GNA13: variants seen among roughly 807,000 people sequenced by gnomAD.
The protein encoded by GNA13 is G protein subunit alpha 13.
GNA13 carries 4 observed loss-of-function variants against 33.5 expected under a neutral mutation model. The observed-to-expected ratio is 0.12, with a 90% CI of 0.06 to 0.27. GNA13 has a LOEUF of 0.27. Among genes scored for constraint, GNA13 ranks in the 10% least tolerant of loss-of-function variants. The pLI is 1.00. For synonymous variants in GNA13, 176 were observed against 183.8 expected (o/e 0.96, Z 0.34); for missense variants, 319 against 487.2 (o/e 0.65, Z 3.25).
intron 2 of GNA13, among the ~76,000 whole-genome samples, chr17:65,031,921 A>AGAGAGAGAGT (rs770161529): frequency 7.6e-5 from 7 of 91,710 alleles, no homozygotes; most frequent in Non-Finnish European, 1.3e-4. Flanking sequence ...AGAGAGAGAG[A>AGAGAGAGAGT]GTGTGTGTGT....
chr17:65,010,680 C>G lies in GNA13; in HGVS notation c.*3577G>C. ...AGCAAAACTTCTGGTCTTAATTTCTCAAATAAAACTAAAATAAATGAAATG... is the reference window on the plus strand; with the variant it reads ...AGCAAAACTTCTGGTCTTAATTTCTGAAATAAAACTAAAATAAATGAAATG... On this transcript the variant is annotated 3_prime_UTR_variant, in exon 4 of 4. Transcript: ENST00000439174. 1 of 205,108 alleles carries G rather than the reference C, an allele frequency of 4.9e-6. No homozygotes were observed. The allele number at this position is 205,108 out of a possible 1,614,324, so 12.7% of individuals were successfully genotyped here. A position where few individuals can be genotyped will look rare whatever the true frequency, so the allele number is the denominator to read the frequency against.
intron 2 of GNA13, among the ~76,000 whole-genome samples, chr17:65,037,434 C>T (rs996253089): frequency 6.6e-6 from 1 of 152,220 alleles, no homozygotes; most frequent in Non-Finnish European, 1.5e-5. Flanking sequence ...GCATATCCAA[C>T]TTTCCTGTGC....
chr17:65,047,547 A>G (rs1907709814), intron 2 of GNA13, among the ~76,000 whole-genome samples: 1 of 152,240 alleles, frequency 6.6e-6, no homozygotes, highest in Admixed American at 6.5e-5. Context: ...CTATACTTAT[A>G]GAGAAAATGG....
chr17:65,042,457 C>T (rs1907493762), intron 2 of GNA13, among the ~76,000 whole-genome samples: 1 of 151,888 alleles, frequency 6.6e-6, no homozygotes, highest in African/African-American at 2.4e-5. Flanking sequence ...AACACGGTGG[C>T]TGGGCACGGT....
chr17:65,043,809 T>C (rs2143817942), intron 2 of GNA13, among the ~76,000 whole-genome samples: 1 of 152,322 alleles, frequency 6.6e-6, no homozygotes, highest in South Asian at 2.1e-4. Flanking sequence ...TGAAAAAGTT[T>C]ACCCACCGCA....
intron 2 of GNA13, among the ~76,000 whole-genome samples, chr17:65,022,660 T>A (rs753855624): frequency 1.4e-4 from 21 of 152,126 alleles, no homozygotes; most frequent in Admixed American, 3.3e-4. Flanking sequence ...CATGCAAAAT[T>A]TTAAAATGGA....
intron 3 of GNA13, 28 bp downstream of exon 3, chr17:65,018,225 A>C: frequency 7.7e-7 from 1 of 1,297,244 alleles, no homozygotes. Context: ...AATGGCACTA[A>C]ACATAAACAT....
chr17:65,022,228 G>A (rs1434003183), intron 2 of GNA13, among the ~76,000 whole-genome samples: 1 of 152,296 alleles, frequency 6.6e-6, no homozygotes, highest in South Asian at 2.1e-4. Flanking sequence ...ACCTGTTGGT[G>A]TATCGTCTAT....
At position 65,012,811 on chromosome 17, in the gene GNA13, A is replaced by G. The variant is rs796568272; in HGVS notation, c.*1446T>C. The G allele has an allele frequency of 4.6e-6, 1 of 217,712 alleles. No individual in the cohort carries two copies. Among genetic ancestry groups the G allele is most frequent in the African/African-American group, 2.2e-5 (1 of 44,604 alleles). 13.5% of individuals were successfully genotyped at this position (217,712 alleles called of 1,614,324 possible). ...CAGTCTTAAAATTTTCAGGAAAAGTAGAAAAGCTGTCAGACTTTTCAAGCT... is the reference window on the plus strand; with the variant it reads ...CAGTCTTAAAATTTTCAGGAAAAGTGGAAAAGCTGTCAGACTTTTCAAGCT... On this transcript the variant is annotated 3_prime_UTR_variant, in exon 4 of 4. Transcript: ENST00000439174.
At chr17:65,030,507 G>A (rs1470302081) in intron 2 of GNA13, among the ~76,000 whole-genome samples, 1 of 152,202 alleles carries the variant, frequency 6.6e-6, no homozygotes, top group Non-Finnish European at 1.5e-5. Flanking sequence ...CATTTTACTG[G>A]ATTTTATAGA....
intron 3 of GNA13, among the ~76,000 whole-genome samples, chr17:65,017,512 A>C (rs1222233112): frequency 6.6e-6 from 1 of 152,210 alleles, no homozygotes; most frequent in African/African-American, 2.4e-5. Flanking sequence ...AGCAGCAGAA[A>C]CCTTTCTCCC....
At chr17:65,037,412 C>G (rs1487658669) in intron 2 of GNA13, among the ~76,000 whole-genome samples, 3 of 152,170 alleles carry the variant, frequency 2.0e-5, no homozygotes, top group Non-Finnish European at 4.4e-5. Context: ...AGGGCACCTG[C>G]TGCCATAGTC....
intron 2 of GNA13, among the ~76,000 whole-genome samples, chr17:65,038,420 AT>A (rs1907339588): frequency 6.9e-6 from 1 of 144,234 alleles, no homozygotes; most frequent in Non-Finnish European, 1.5e-5. Context: ...AAAAAAAACC[AT>A]TTATTTTTAG....
chr17:65,043,430 G>A (rs993053385), intron 2 of GNA13, among the ~76,000 whole-genome samples: 1 of 151,906 alleles, frequency 6.6e-6, no homozygotes. Flanking sequence ...GGGACCACAG[G>A]TGTGCGCCAC....
At chr17:65,042,755 TAACAAG>T (rs2094110084) in intron 2 of GNA13, among the ~76,000 whole-genome samples, 1 of 152,042 alleles carries the variant, frequency 6.6e-6, no homozygotes, top group African/African-American at 2.4e-5. Flanking sequence ...AGAACTAATG[TAACAAG>T]GAAAACTTCA....
intron 2 of GNA13, among the ~76,000 whole-genome samples, chr17:65,031,143 CGGCTATATGGCATGGCCTATTGCTTCTA>C (rs1286880900): frequency 1.3e-5 from 2 of 152,176 alleles, no homozygotes; most frequent in Non-Finnish European, 2.9e-5. Flanking sequence ...CTACATACCT[CGGCTATATGGCATGGCCTATTGCTTCTA>C]GGCTACAAAG....
At chr17:65,021,028 G>A (rs989387892) in intron 2 of GNA13, among the ~76,000 whole-genome samples, 1 of 151,908 alleles carries the variant, frequency 6.6e-6, no homozygotes, top group Admixed American at 6.6e-5. Flanking sequence ...TATTTTATTC[G>A]GCCCTTAGCT....
In GNA13 at chr17:65,053,625, G is replaced by A; in HGVS notation, c.387C>T (p.Ala129=). Residue 129 remains alanine (A), a synonymous_variant, in exon 2 of 4, where the codon GCC becomes GCT. Coordinates refer to ENST00000439174, the MANE Select transcript of GNA13 (RefSeq NM_006572.6). ...GDKMMSFDTR[A]PMAAQGMVET... Reference sequence around the variant, plus strand: ...CCACCATTCCTTGGGCTGCCATGGGGGCCCGGGTATCAAACGACATCATCT... The same window carrying A: ...CCACCATTCCTTGGGCTGCCATGGGAGCCCGGGTATCAAACGACATCATCT... 1 of 1,612,858 alleles carries A rather than the reference G, an allele frequency of 6.2e-7. No individual in the cohort carries two copies. The highest frequency in any genetic ancestry group is 1.3e-5 in the African/African-American group (1 of 74,972).
Position 65,010,327 on chromosome 17 carries a change from T to A in GNA13, c.*3930A>T, listed in dbSNP as rs1417337304. On this transcript the variant is annotated 3_prime_UTR_variant, in exon 4 of 4. Coordinates refer to ENST00000439174, the MANE Select transcript of GNA13 (RefSeq NM_006572.6). ...TCCAACTTGTTTAAAATGTTCAGAC[T>A]TAGACTTACACTTCAAGATCTAGTA... Among the ~76,000 whole-genome samples, 1 of 152,014 alleles carries A rather than the reference T, an allele frequency of 6.6e-6. No individual in the cohort carries two copies. The highest frequency in any genetic ancestry group is 1.9e-4 in the East Asian group (1 of 5,190).
Sources: gnomAD v4.1 joint callset for allele counts (sites outside exome capture counted in the v4.1 genomes callset) on GRCh38, gnomAD v4.1.1 for gene constraint, MANE v1.5 for transcripts, NCBI Gene and HGNC (gene_info 2026-07-23, HGNC 2026-07-21) for gene names.